Variants in PIR observed in about 807,000 individuals in gnomAD.
The protein encoded by PIR is pirin (iron-binding nuclear protein).
In PIR, 22 loss-of-function variants were observed where a neutral mutation model predicts 24.2. That is an observed-to-expected ratio of 0.91 (90% CI 0.65 to 1.30). PIR has a LOEUF of 1.30. PIR is among the 50% of genes most tolerant of loss of function. PIR has a pLI of 0.00. For synonymous variants in PIR, 80 were observed against 79.6 expected, an observed-to-expected ratio of 1.00 and a Z score of -0.03; for missense variants, 220 against 220.3, an observed-to-expected ratio of 1.00 and a Z score of 0.01.
At chrX:15,472,983 G>A (rs1347045908) in intron 3 of PIR, among the ~76,000 whole-genome samples, 1 of 111,621 alleles carries the variant, frequency 9.0e-6, no homozygotes. Flanking sequence ...AAAGAAAAAA[G>A]GCATAGTTTT....
At chrX:15,402,257 G>A (rs1338628546) in intron 7 of PIR, among the ~76,000 whole-genome samples, 3 of 111,763 alleles carry the variant, frequency 2.7e-5, no homozygotes, top group Non-Finnish European at 5.6e-5. Flanking sequence ...TACAGTTAAG[G>A]TGGGTTTACT....
intron 7 of PIR, among the ~76,000 whole-genome samples, chrX:15,403,951 T>C (rs1239482690): frequency 9.0e-6 from 1 of 110,667 alleles, no homozygotes; most frequent in Non-Finnish European, 1.9e-5. Flanking sequence ...ACCTTTAAAA[T>C]GACTGACTTA....
intron 2 of PIR, among the ~76,000 whole-genome samples, chrX:15,486,894 CT>C (rs1420172225): frequency 8.9e-6 from 1 of 112,291 alleles, no homozygotes; most frequent in African/African-American, 3.2e-5. Context: ...TTGGATGATG[CT>C]TTCTGTTACA....
chrX:15,418,344 T>A (rs927217507), intron 6 of PIR, among the ~76,000 whole-genome samples: 35 of 112,274 alleles, frequency 3.1e-4, no homozygotes, highest in African/African-American at 1.1e-3. Context: ...AATATAGATT[T>A]ATGTCCTTCA....
intron 3 of PIR, among the ~76,000 whole-genome samples, chrX:15,461,589 T>C (rs1921302644): frequency 8.9e-6 from 1 of 112,045 alleles, no homozygotes; most frequent in African/African-American, 3.2e-5. Flanking sequence ...AAGACCAGCC[T>C]GGCCAACATG....
chrX:15,459,805 A>G (rs1921225236), intron 3 of PIR, 65 bp from the exon 4 acceptor site: 1 of 617,258 alleles, frequency 1.6e-6, no homozygotes, highest in Non-Finnish European at 2.7e-6. Context: ...TTATTATTTA[A>G]TTATCCCTAC....
At chrX:15,479,594 T>C (rs1452453451) in intron 3 of PIR, 135 bp downstream of exon 3, 2 of 339,542 alleles carry the variant, frequency 5.9e-6, no homozygotes, top group African/African-American at 5.4e-5. Flanking sequence ...TTTGAGTATA[T>C]CTTATGTAAA....
chrX:15,491,271 AAG>A lies in PIR; in HGVS notation c.-16_-15del, dbSNP rs747673730. ...GGAGGACCCCATATCGGAGTCTAAAAAGAGAGTGTTCTGATGCTGAGCTGTAG... is the reference window on the plus strand; with the variant it reads ...GGAGGACCCCATATCGGAGTCTAAAAAGAGTGTTCTGATGCTGAGCTGTAG... On this transcript the variant is annotated 5_prime_UTR_variant, in exon 2 of 10. Transcript: ENST00000380420. 4 of 1,107,051 alleles carry A rather than the reference AAG, an allele frequency of 3.6e-6. No homozygotes were observed. The Admixed American group carries it at 6.6e-5, about 18-fold the overall frequency. The allele number at this position is 1,107,051 out of a possible 1,213,427, so 91.2% of individuals were successfully genotyped here.
rs371177726 is a variant in PIR, at chrX:15,398,669, GGTGTGT to G, written c.611-1144_611-1139del. ...AAATTGACAGCCCTTGAGGAGGGAG[GGTGTGT>G]GTGTGTGTGTGTGTGTGTGTGTGTG... On this transcript the variant is annotated intron_variant, in intron 7 of 9. Coordinates refer to ENST00000380420, the MANE Select transcript of PIR (RefSeq NM_001018109.3). 5.8e-3 allele frequency among the ~76,000 whole-genome samples: 444 copies of G among 76,112 alleles called. 6 individuals are homozygous for G. Among genetic ancestry groups the G allele is most frequent in the African/African-American group, 0.02 (414 of 20,843 alleles). 66.1% of individuals were successfully genotyped at this position (76,112 alleles called of 115,157 possible).
At chrX:15,488,253 G>A (rs1299542850) in intron 2 of PIR, among the ~76,000 whole-genome samples, 1 of 94,474 alleles carries the variant, frequency 1.1e-5, no homozygotes, top group African/African-American at 4.2e-5. Flanking sequence ...ACTCCAGCCT[G>A]GGCAACAAGA....
At chrX:15,429,353 C>T (rs888505095) in intron 5 of PIR, 3 of 111,967 alleles carry the variant, frequency 2.7e-5, no homozygotes, top group Non-Finnish European at 3.8e-5. Context: ...TATATTCTAT[C>T]GTCTCACAGT....
At chrX:15,449,179 G>A (rs1301712619) in intron 5 of PIR, among the ~76,000 whole-genome samples, 1 of 111,804 alleles carries the variant, frequency 8.9e-6, no homozygotes, top group Non-Finnish European at 1.9e-5. Context: ...TTGGACCTTG[G>A]TGCATAGAAG....
intron 7 of PIR, among the ~76,000 whole-genome samples, chrX:15,399,391 A>G (rs749241024): frequency 1.7e-4 from 19 of 112,674 alleles, no homozygotes; most frequent in Admixed American, 2.8e-4. Context: ...GAAATAACCA[A>G]TATGAGGCAG....
chrX:15,420,885 T>A (rs902672946), intron 6 of PIR, among the ~76,000 whole-genome samples: 1 of 111,463 alleles, frequency 9.0e-6, no homozygotes, highest in Non-Finnish European at 1.9e-5. Context: ...TGGGAAGGAT[T>A]TCCATGAGTA....
rs772456029 is a variant in PIR, at chrX:15,435,084, G to A, written c.481-9094C>T. Reference sequence around the variant, plus strand: ...AAATTAGCCAAGCGTAGTGGCGGGCGCCTGTAATCCCAGCTACTTGGGAGG... The same window carrying A: ...AAATTAGCCAAGCGTAGTGGCGGGCACCTGTAATCCCAGCTACTTGGGAGG... On this transcript the variant is annotated intron_variant, in intron 5 of 9. Transcript: ENST00000380420. Among the ~76,000 whole-genome samples, 3 of 110,267 alleles carry A rather than the reference G, an allele frequency of 2.7e-5. No homozygotes were observed. The Admixed American group carries it at 2.9e-4, about 11-fold the overall frequency.
At chrX:15,466,276 G>A in intron 3 of PIR, among the ~76,000 whole-genome samples, 1 of 111,504 alleles carries the variant, frequency 9.0e-6, no homozygotes, top group Non-Finnish European at 1.9e-5. Flanking sequence ...CCCCACATAC[G>A]CACCTTCACA....
chrX:15,473,834 C>T (rs762792996), intron 3 of PIR, among the ~76,000 whole-genome samples: 1 of 112,647 alleles, frequency 8.9e-6, no homozygotes, highest in African/African-American at 3.2e-5. Context: ...GGATTACAGG[C>T]GTGAGCCACC....
At chrX:15,431,134 TTACTC>T (rs1167347816) in intron 5 of PIR, among the ~76,000 whole-genome samples, 3 of 111,567 alleles carry the variant, frequency 2.7e-5, no homozygotes, top group Non-Finnish European at 5.7e-5. Context: ...CTTAAGGAAA[TTACTC>T]TAAGTAACCA....
At chrX:15,456,860 T>C (rs1006371246) in intron 4 of PIR, among the ~76,000 whole-genome samples, 7 of 112,660 alleles carry the variant, frequency 6.2e-5, no homozygotes, top group African/African-American at 2.3e-4. Flanking sequence ...TGTTTGTTCA[T>C]GTCTGTATTA....
Sources: gnomAD v4.1 joint callset for allele counts (sites outside exome capture counted in the v4.1 genomes callset) on GRCh38, gnomAD v4.1.1 for gene constraint, MANE v1.5 for transcripts, NCBI Gene and HGNC (gene_info 2026-07-23, HGNC 2026-07-21) for gene names.